Variants in NXPH1 observed in about 807,000 individuals in gnomAD.
NXPH1 encodes the protein neurexophilin 1.
NXPH1 carries 5 observed loss-of-function variants against 23.7 expected under a neutral mutation model. That is an observed-to-expected ratio of 0.21 (90% CI 0.11 to 0.44). The LOEUF (loss-of-function observed/expected upper bound fraction) is 0.44, where lower values mean the gene tolerates loss of function less well. Among genes scored for constraint, NXPH1 ranks in the 20% least tolerant of loss-of-function variants. NXPH1 has a pLI of 0.99. For missense variants in NXPH1, 324 were observed against 321.6 expected, an observed-to-expected ratio of 1.01 and a Z score of -0.06; for synonymous variants, 144 against 122.2, an observed-to-expected ratio of 1.18 and a Z score of -1.18.
intron 2 of NXPH1, among the ~76,000 whole-genome samples, chr7:8,651,215 T>A (rs1820487311): frequency 1.4e-5 from 1 of 73,064 alleles, no homozygotes. Flanking sequence ...AGTGAGAATA[T>A]GCGGTGTTTG....
At chr7:8,438,095 A>G (rs1816227384) in intron 2 of NXPH1, among the ~76,000 whole-genome samples, 1 of 152,216 alleles carries the variant, frequency 6.6e-6, no homozygotes, top group Non-Finnish European at 1.5e-5. Context: ...TGAAGGAGCA[A>G]AAAGCTGACT....
chr7:8,717,936 T>G (rs900535545), intron 2 of NXPH1, among the ~76,000 whole-genome samples: 17 of 151,576 alleles, frequency 1.1e-4, no homozygotes, highest in African/African-American at 2.4e-5. Flanking sequence ...TATGCATGTG[T>G]ATACATATAC....
intron 2 of NXPH1, among the ~76,000 whole-genome samples, chr7:8,664,460 T>C (rs1445893368): frequency 6.6e-6 from 1 of 152,084 alleles, no homozygotes; most frequent in Non-Finnish European, 1.5e-5. Flanking sequence ...ATTTATTGCT[T>C]TCTGTCTGAT....
chr7:8,750,449 C>T (rs1780544838), intron 2 of NXPH1, among the ~76,000 whole-genome samples: 1 of 152,138 alleles, frequency 6.6e-6, no homozygotes, highest in East Asian at 1.9e-4. Flanking sequence ...CTCCCCTCAC[C>T]TCTCCACCCC....
At chr7:8,734,902 T>C (rs922515128) in intron 2 of NXPH1, among the ~76,000 whole-genome samples, 2 of 152,156 alleles carry the variant, frequency 1.3e-5, no homozygotes, top group Non-Finnish European at 2.9e-5. Context: ...ATTCTCTTTA[T>C]AGCAATTGTG....
At position 8,752,744 on chromosome 7, in the gene NXPH1, T is replaced by C. The variant is rs1780587194; in HGVS notation, c.*975T>C. On this transcript the variant is annotated 3_prime_UTR_variant, in exon 3 of 3. Transcript: ENST00000405863. ...ATTAACTTGTACTTGTCTCTCTGCT[T>C]GTTATTGGTTAAGAAAAAAGGATAT... The C allele has an allele frequency of 6.6e-6, 1 of 152,412 alleles. No individual in the cohort carries two copies. Among genetic ancestry groups the C allele is most frequent in the South Asian group, 2.1e-4 (1 of 4,828 alleles). The allele number at this position is 152,412 out of a possible 1,614,324, so 9.4% of individuals were successfully genotyped here.
At chr7:8,636,525 A>G (rs1583208691) in intron 2 of NXPH1, among the ~76,000 whole-genome samples, 1 of 152,218 alleles carries the variant, frequency 6.6e-6, no homozygotes, top group Non-Finnish European at 1.5e-5. Context: ...GCAAAGGATT[A>G]AAAAGGAAAG....
At chr7:8,500,407 T>C (rs534006283) in intron 2 of NXPH1, among the ~76,000 whole-genome samples, 1 of 152,192 alleles carries the variant, frequency 6.6e-6, no homozygotes, top group East Asian at 1.9e-4. Context: ...GTCAGGCTGC[T>C]TGAGTTTGAA....
intron 2 of NXPH1, among the ~76,000 whole-genome samples, chr7:8,463,117 T>G (rs1816722647): frequency 6.6e-6 from 1 of 152,202 alleles, no homozygotes; most frequent in Non-Finnish European, 1.5e-5. Flanking sequence ...GGGGTAATTC[T>G]TCAGTCATAG....
chr7:8,477,393 A>G (rs935100956), intron 2 of NXPH1, among the ~76,000 whole-genome samples: 19 of 151,820 alleles, frequency 1.3e-4, no homozygotes, highest in South Asian at 6.2e-4. Flanking sequence ...ATAGATCATC[A>G]CTCCAGTGGT....
intron 2 of NXPH1, among the ~76,000 whole-genome samples, chr7:8,698,926 T>G (rs1583235735): frequency 2.0e-5 from 3 of 152,254 alleles, no homozygotes; most frequent in Admixed American, 2.0e-4. Flanking sequence ...GGGTAAAAAT[T>G]TATTTTCAGA....
chr7:8,519,252 A>G (rs1563334020), intron 2 of NXPH1, among the ~76,000 whole-genome samples: 1 of 152,200 alleles, frequency 6.6e-6, no homozygotes, highest in African/African-American at 2.4e-5. Flanking sequence ...AAGGTATTAC[A>G]TTTACTCAAA....
At chr7:8,450,996 A>G (rs1816497058) in intron 2 of NXPH1, among the ~76,000 whole-genome samples, 1 of 152,182 alleles carries the variant, frequency 6.6e-6, no homozygotes, top group East Asian at 1.9e-4. Context: ...TTCAACTTTG[A>G]ACTTTAAAAA....
At chr7:8,452,558 T>C (rs1816524482) in intron 2 of NXPH1, among the ~76,000 whole-genome samples, 1 of 152,152 alleles carries the variant, frequency 6.6e-6, no homozygotes, top group South Asian at 2.1e-4. Context: ...TGTGAATGTA[T>C]GATGCTGATT....
intron 2 of NXPH1, among the ~76,000 whole-genome samples, chr7:8,722,985 T>C (rs575738506): frequency 7.2e-5 from 11 of 152,338 alleles, no homozygotes; most frequent in African/African-American, 2.4e-4. Flanking sequence ...ATTTACACTT[T>C]ATCAACTGTA....
At chr7:8,611,936 G>C (rs2128629667) in intron 2 of NXPH1, among the ~76,000 whole-genome samples, 1 of 152,148 alleles carries the variant, frequency 6.6e-6, no homozygotes, top group Non-Finnish European at 1.5e-5. Flanking sequence ...AAAGTTCCCA[G>C]CGTGCATGTA....
intron 2 of NXPH1, among the ~76,000 whole-genome samples, chr7:8,623,842 T>C (rs189398865): frequency 2.0e-5 from 3 of 152,144 alleles, no homozygotes; most frequent in Admixed American, 6.5e-5. Context: ...TATTTATATC[T>C]ACATTCATAC....
At chr7:8,452,444 T>A (rs991575729) in intron 2 of NXPH1, among the ~76,000 whole-genome samples, 3 of 152,212 alleles carry the variant, frequency 2.0e-5, no homozygotes, top group African/African-American at 7.2e-5. Flanking sequence ...TCTCCCTTAA[T>A]GCCTTGGTTC....
At chr7:8,591,409 G>T (rs1819090915) in intron 2 of NXPH1, among the ~76,000 whole-genome samples, 1 of 152,008 alleles carries the variant, frequency 6.6e-6, no homozygotes, top group Admixed American at 6.6e-5. Flanking sequence ...AGTTGACTAA[G>T]ATGGCTGTTT....
Sources: allele counts gnomAD v4.1 joint callset (sites outside exome capture counted in the v4.1 genomes callset), GRCh38; gene constraint gnomAD v4.1.1; transcripts MANE v1.5; gene names NCBI Gene and HGNC (gene_info 2026-07-23, HGNC 2026-07-21).